The following BICRAL variants were observed in gnomAD, a reference collection of about 807,000 sequenced individuals.
BICRAL encodes BICRA like chromatin remodeling complex associated protein.
A neutral mutation model predicts 91.8 loss-of-function variants in BICRAL; 8 were observed. The observed-to-expected ratio is 0.09, with a 90% confidence interval of 0.05 to 0.16. The LOEUF (loss-of-function observed/expected upper bound fraction) is 0.16, where lower values mean the gene tolerates loss of function less well. Ranked by LOEUF, BICRAL falls within the 10% of genes least tolerant of loss-of-function variation. BICRAL has a pLI of 1.00. For missense variants in BICRAL, 1,038 were observed against 1,310.9 expected, an observed-to-expected ratio of 0.79 and a Z score of 3.21; for synonymous variants, 445 against 491.1, an observed-to-expected ratio of 0.91 and a Z score of 1.24.
At position 42,866,505 on chromosome 6, in the gene BICRAL, T is replaced by C. The variant is rs1161434630; in HGVS notation, c.*1059T>C. ...AAGCACTTTCATTTGAAAATTATTATGTTGTAATTTTTCAGTTTAAACTTT... is the reference window on the plus strand; with the variant it reads ...AAGCACTTTCATTTGAAAATTATTACGTTGTAATTTTTCAGTTTAAACTTT... On this transcript the variant is annotated 3_prime_UTR_variant, in exon 13 of 13. Transcript: ENST00000314073. 5.5e-6 allele frequency: 1 copy of C among 181,686 alleles called. No homozygotes were observed. The highest frequency in any genetic ancestry group is 2.4e-5 in the African/African-American group (1 of 42,510). The allele number at this position is 181,686 out of a possible 1,614,324, so 11.3% of individuals were successfully genotyped here.
intron 2 of BICRAL, among the ~76,000 whole-genome samples, chr6:42,819,621 A>G (rs181000498): frequency 6.4e-4 from 97 of 152,250 alleles, no homozygotes; most frequent in African/African-American, 2.2e-3. Flanking sequence ...CAATTTTACA[A>G]TTTTGCTCTG....
intron 11 of BICRAL, among the ~76,000 whole-genome samples, chr6:42,862,155 T>C (rs1308033197): frequency 1.3e-5 from 2 of 152,054 alleles, no homozygotes; most frequent in South Asian, 2.1e-4. Context: ...CTAAGATACA[T>C]TATTAAGTAG....
chr6:42,811,874 A>G (rs561816764), intron 2 of BICRAL, among the ~76,000 whole-genome samples: 26 of 152,332 alleles, frequency 1.7e-4, no homozygotes, highest in Non-Finnish European at 2.5e-4. Context: ...TATCAGATGA[A>G]GTACTCAGAA....
chr6:42,768,974 A>C (rs1048204884), intron 1 of BICRAL, among the ~76,000 whole-genome samples: 1 of 152,194 alleles, frequency 6.6e-6, no homozygotes, highest in Non-Finnish European at 1.5e-5. Flanking sequence ...GGGTAACTCT[A>C]ATATATTTTA....
chr6:42,822,483 A>T (rs1359650902), intron 3 of BICRAL, among the ~76,000 whole-genome samples: 1 of 150,706 alleles, frequency 6.6e-6, no homozygotes, highest in Non-Finnish European at 1.5e-5. Context: ...TCCTAGACTG[A>T]AGTGATCCTC....
chr6:42,784,903 T>C (rs1763057320), intron 1 of BICRAL, among the ~76,000 whole-genome samples: 1 of 152,210 alleles, frequency 6.6e-6, no homozygotes, highest in African/African-American at 2.4e-5. Context: ...TCCAAAGATC[T>C]AGTATTCCAA....
At chr6:42,773,967 TTGAG>T (rs1340663835) in intron 1 of BICRAL, among the ~76,000 whole-genome samples, 1 of 152,222 alleles carries the variant, frequency 6.6e-6, no homozygotes, top group Non-Finnish European at 1.5e-5. Context: ...GTTTTGGAAT[TTGAG>T]TGAGAGGCAG....
intron 2 of BICRAL, among the ~76,000 whole-genome samples, chr6:42,819,372 G>A (rs772967235): frequency 6.6e-6 from 1 of 152,002 alleles, no homozygotes; most frequent in Non-Finnish European, 1.5e-5. Flanking sequence ...TGCAACCTCT[G>A]CCTCCCAGGT....
Position 42,758,872 on chromosome 6 carries a change from G to A in BICRAL, c.-261+11849G>A, listed in dbSNP as rs566331977. Among the ~76,000 whole-genome samples the A allele has an allele frequency of 4.6e-5, 7 of 152,318 alleles. No individual in the cohort carries two copies. In the South Asian group the frequency reaches 1.0e-3, roughly 23 times the overall value. On this transcript the variant is annotated intron_variant, in intron 1 of 14. Coordinates refer to the BICRAL transcript ENST00000614467. ...GTTGGGACTACAGCAGTGAACGAGA[G>A]AGACCAAAAAGTCTCTGCCTTCTGG...
chr6:42,849,479 G>A (rs1389179708), intron 6 of BICRAL, among the ~76,000 whole-genome samples: 4 of 145,182 alleles, frequency 2.8e-5, no homozygotes, highest in Non-Finnish European at 1.5e-5. Flanking sequence ...TCACTCTGTC[G>A]GCCAGGCTGG....
rs1554283187 is a variant in BICRAL, at chr6:42,857,614, A to ATATAT, written c.2254+378_2254+379insTATAT. Among the ~76,000 whole-genome samples the ATATAT allele has an allele frequency of 1.6e-3, 157 of 96,182 alleles. 1 individual carries two copies. The highest frequency in any genetic ancestry group is 9.6e-3 in the African/African-American group (147 of 15,246). 63.1% of individuals were successfully genotyped at this position (96,182 alleles called of 152,430 possible). A position where few individuals can be genotyped will look rare whatever the true frequency, so the allele number is the denominator to read the frequency against. On this transcript the variant is annotated intron_variant, in intron 10 of 12. Coordinates refer to ENST00000314073, the MANE Select transcript of BICRAL (RefSeq NM_001393499.1). ...ACACTGTCTCTTAAAAAAAAAAAAA[A>ATATAT]ATATATATATATATATATATATTTT... is the stretch of plus-strand genomic sequence containing the variant.
intron 1 of BICRAL, among the ~76,000 whole-genome samples, chr6:42,802,435 TTGTTG>T (rs1562469001): frequency 3.2e-5 from 3 of 92,976 alleles, no homozygotes; most frequent in Non-Finnish European, 5.3e-5. Context: ...TTTTTTGTTG[TTGTTG>T]TTGTTGTTGT....
chr6:42,861,283 G>C (rs1231876928), intron 11 of BICRAL, among the ~76,000 whole-genome samples: 1 of 152,168 alleles, frequency 6.6e-6, no homozygotes, highest in Non-Finnish European at 1.5e-5. Context: ...CTGTACTCCA[G>C]CCTGGGTGAC....
chr6:42,752,210 C>A (rs745662099), intron 1 of BICRAL, among the ~76,000 whole-genome samples: 2 of 152,166 alleles, frequency 1.3e-5, no homozygotes, highest in Non-Finnish European at 2.9e-5. Flanking sequence ...TTGCCCCTGG[C>A]GCTCTCCTCT....
chr6:42,761,915 A>AT (rs1481413414), intron 1 of BICRAL, among the ~76,000 whole-genome samples: 3 of 152,044 alleles, frequency 2.0e-5, no homozygotes, highest in Non-Finnish European at 1.5e-5. Context: ...AAAAAAAAAA[A>AT]GAAAGAAAAA....
chr6:42,783,128 G>A (rs1731435187), intron 1 of BICRAL, among the ~76,000 whole-genome samples: 1 of 148,814 alleles, frequency 6.7e-6, no homozygotes, highest in South Asian at 2.1e-4. Flanking sequence ...GAGTCGCCCC[G>A]GCCCCGTTCC....
chr6:42,747,530 C>T (rs1762298228), intron 1 of BICRAL, among the ~76,000 whole-genome samples: 1 of 152,172 alleles, frequency 6.6e-6, no homozygotes, highest in South Asian at 2.1e-4. Context: ...TCTTCCTTTC[C>T]TTCCCACTTA....
chr6:42,759,289 C>G (rs1480895593), intron 1 of BICRAL, among the ~76,000 whole-genome samples: 1 of 152,204 alleles, frequency 6.6e-6, no homozygotes, highest in Non-Finnish European at 1.5e-5. Flanking sequence ...CTGGAGCTGC[C>G]AAAGGGCTTA....
intron 1 of BICRAL, among the ~76,000 whole-genome samples, chr6:42,783,206 G>A (rs2113862192): frequency 6.6e-6 from 1 of 151,750 alleles, no homozygotes; most frequent in Admixed American, 6.6e-5. Flanking sequence ...CAGCCGCCTC[G>A]CTGCCTTTTC....
Sources: gnomAD v4.1 joint callset for allele counts (sites outside exome capture counted in the v4.1 genomes callset) on GRCh38, gnomAD v4.1.1 for gene constraint, MANE v1.5 for transcripts, NCBI Gene and HGNC (gene_info 2026-07-23, HGNC 2026-07-21) for gene names.